Variants in PLEKHG5 observed in about 807,000 individuals in gnomAD.
PLEKHG5 encodes the protein pleckstrin homology and RhoGEF domain containing G5.
In PLEKHG5, 52 loss-of-function variants were observed where a neutral mutation model predicts 103.8. The observed-to-expected ratio is 0.50, with a 90% CI of 0.40 to 0.63. PLEKHG5 has a LOEUF of 0.63. Ranked by LOEUF, PLEKHG5 falls within the 30% of genes least tolerant of loss-of-function variation. The pLI is 0.00. For synonymous variants in PLEKHG5, 592 were observed against 575.5 expected, an observed-to-expected ratio of 1.03 and a Z score of -0.41; for missense variants, 1,205 against 1,347.6, an observed-to-expected ratio of 0.89 and a Z score of 1.66.
At chr1:6,500,277 G>A (rs1359046412), upstream of PLEKHG5, among the ~76,000 whole-genome samples, 3 of 152,094 alleles carry the variant, frequency 2.0e-5, no homozygotes, top group Non-Finnish European at 4.4e-5. Flanking sequence ...CAAGATTGTT[G>A]GGGAGCAGGA....
chr1:6,477,632 C>T lies in PLEKHG5; in HGVS notation c.-61G>A. 1 of 1,608,030 alleles carries T rather than the reference C, an allele frequency of 6.2e-7. No individual in the cohort carries two copies. On this transcript the variant is annotated 5_prime_UTR_variant, in exon 2 of 21. Transcript: ENST00000377728. ...GGTTGAGGGGCCCCCGGCGGTGCAG[C>T]TGCTGGCAGTCGGCGTGGTGACATA...
At chr1:6,509,554 G>T (rs180964098) in intron 1 of PLEKHG5, among the ~76,000 whole-genome samples, 1 of 152,212 alleles carries the variant, frequency 6.6e-6, no homozygotes, top group Non-Finnish European at 1.5e-5. Flanking sequence ...ACGGCCACTC[G>T]GGAGACGTAG....
chr1:6,474,211 A>G (rs1254147106), intron 6 of PLEKHG5, 47 bp from the exon 7 acceptor site: 1 of 1,606,958 alleles, frequency 6.2e-7, no homozygotes, highest in African/African-American at 1.3e-5. Context: ...GGTCTGGTGG[A>G]GGAGGGGGTC....
At position 6,505,981 on chromosome 1, in the gene PLEKHG5, C is replaced by G. The variant is rs1163725912; in HGVS notation, c.-164-9412G>C. 1.3e-5 allele frequency: 2 copies of G among 152,588 alleles called. No homozygotes were observed. Among genetic ancestry groups the G allele is most frequent in the African/African-American group, 4.8e-5 (2 of 41,468 alleles). 9.5% of individuals were successfully genotyped at this position (152,588 alleles called of 1,614,324 possible). A position where few individuals can be genotyped will look rare whatever the true frequency, so the allele number is the denominator to read the frequency against. On this transcript the variant is annotated intron_variant, in intron 1 of 21. Transcript: ENST00000377740. The surrounding 1 kb of genome is among the most constrained non-coding windows in gnomAD (Gnocchi z 4.2). Reference sequence around the variant, plus strand: ...AGGCCCTGGCTGGGCAGGCCCGGTGCCAGAGCCTGCTGAAAGTCCTCCCGG... The same window carrying G: ...AGGCCCTGGCTGGGCAGGCCCGGTGGCAGAGCCTGCTGAAAGTCCTCCCGG...
upstream of PLEKHG5, chr1:6,497,414 G>C: frequency 2.1e-6 from 2 of 973,624 alleles, no homozygotes; most frequent in Non-Finnish European, 2.5e-6. The surrounding 1 kb of genome is among the most constrained non-coding windows in gnomAD (Gnocchi z 6.1). Context: ...GCCGCCGCCG[G>C]ACCCTCGCAC....
chr1:6,492,626 G>A (rs976682971), upstream of PLEKHG5, among the ~76,000 whole-genome samples: 21 of 152,102 alleles, frequency 1.4e-4, no homozygotes, highest in African/African-American at 5.1e-4. Context: ...CGCTGTGCTA[G>A]GCTCTATGCT....
At chr1:6,503,500 C>T (rs982680954) in intron 1 of PLEKHG5, among the ~76,000 whole-genome samples, 7 of 151,232 alleles carry the variant, frequency 4.6e-5, no homozygotes, top group Admixed American at 2.6e-4. Flanking sequence ...CTCTGCCTCC[C>T]GGGTTCAAGT....
At chr1:6,510,728 G>C (rs1359444270) in intron 1 of PLEKHG5, among the ~76,000 whole-genome samples, 1 of 152,222 alleles carries the variant, frequency 6.6e-6, no homozygotes, top group Non-Finnish European at 1.5e-5. Flanking sequence ...AGTGGGCCCA[G>C]TGTCAGCACC....
upstream of PLEKHG5, among the ~76,000 whole-genome samples, chr1:6,498,759 A>C (rs1243639944): frequency 6.6e-6 from 1 of 152,146 alleles, no homozygotes; most frequent in African/African-American, 2.4e-5. Flanking sequence ...CCTCAGGCCC[A>C]GCCCAGCCTC....
Position 6,477,603 on chromosome 1 carries a change from C to A in PLEKHG5, c.-32G>T, listed in dbSNP as rs368872923. 1.4e-5 allele frequency: 22 copies of A among 1,611,386 alleles called. No individual in the cohort carries two copies. The highest frequency in any genetic ancestry group is 1.6e-5 in the Non-Finnish European group (19 of 1,179,974). ...GTGGAACTTGCTGTCACAGGCCTCG[C>A]AGAGGTTGAGGGGCCCCCGGCGGTG... On this transcript the variant is annotated 5_prime_UTR_variant, in exon 2 of 21. Transcript: ENST00000377728.
chr1:6,500,627 C>G (rs931657638), upstream of PLEKHG5, among the ~76,000 whole-genome samples: 1 of 151,064 alleles, frequency 6.6e-6, no homozygotes, highest in Non-Finnish European at 1.5e-5. Flanking sequence ...GAACTACCCC[C>G]TCCGCTAAGC....
chr1:6,519,509 C>A, exon 1 of PLEKHG5: 1 of 1,613,716 alleles, frequency 6.2e-7, no homozygotes, highest in South Asian at 1.1e-5. Flanking sequence ...GGACTGAATT[C>A]ATGCTTGACC....
At chr1:6,475,603 C>G in intron 3 of PLEKHG5, 81 bp from the exon 4 acceptor site, 1 of 1,236,688 alleles carries the variant, frequency 8.1e-7, no homozygotes, top group East Asian at 2.3e-5. Context: ...CTGTGGCCTC[C>G]CCGCCCTTGG....
chr1:6,481,364 T>C (rs2148605669), intron 1 of PLEKHG5, among the ~76,000 whole-genome samples: 1 of 151,358 alleles, frequency 6.6e-6, no homozygotes, highest in South Asian at 2.1e-4. Flanking sequence ...AAACCCTGTC[T>C]CTACTAAAAA....
intron 1 of PLEKHG5, among the ~76,000 whole-genome samples, chr1:6,517,924 C>T (rs1028279864): frequency 8.5e-5 from 13 of 152,052 alleles, no homozygotes; most frequent in African/African-American, 2.4e-4. Flanking sequence ...TGCGTCATGG[C>T]GGATATATAT....
chr1:6,490,461 G>T lies in PLEKHG5; in HGVS notation c.-88+1176C>A. 1 of 977,078 alleles carries T rather than the reference G, an allele frequency of 1.0e-6. No homozygotes were observed. Among genetic ancestry groups the T allele is most frequent in the African/African-American group, 2.0e-5 (1 of 50,200 alleles). 60.5% of individuals were successfully genotyped at this position (977,078 alleles called of 1,614,324 possible). On this transcript the variant is annotated intron_variant, in intron 1 of 20. Coordinates refer to ENST00000377728, the MANE Select transcript of PLEKHG5 (RefSeq NM_020631.6). The surrounding 1 kb of genome is among the most constrained non-coding windows in gnomAD (Gnocchi z 8.0). The stretch of plus-strand genomic sequence containing the variant: ...GCGACTCACCTAGGAACAGGACCAG[G>T]GTCTCCTCCCCGGTGTCTAAGGCTC...
rs1306712556 is a variant in PLEKHG5, at chr1:6,507,099, T to C, written c.-164-10530A>G. Among the ~76,000 whole-genome samples the C allele has an allele frequency of 3.3e-5, 5 of 152,124 alleles. No homozygotes were observed. The East Asian group carries it at 9.6e-4, about 29-fold the overall frequency. ...CACTGGTCAGTTGATTCCAGAGTGT[T>C]GTCCAAACTGCAAAATGTTCAAGCT... On this transcript the variant is annotated intron_variant, in intron 1 of 21. Coordinates refer to the PLEKHG5 transcript ENST00000377740.
chr1:6,491,518 G>T lies in PLEKHG5; in HGVS notation c.-88+119C>A. 3.4e-6 allele frequency: 1 copy of T among 297,202 alleles called. No individual in the cohort carries two copies. The highest frequency in any genetic ancestry group is 5.0e-6 in the Non-Finnish European group (1 of 201,550). The allele number at this position is 297,202 out of a possible 1,614,324, so 18.4% of individuals were successfully genotyped here. On this transcript the variant is annotated intron_variant, in intron 1 of 20. Coordinates refer to ENST00000377728, the MANE Select transcript of PLEKHG5 (RefSeq NM_020631.6). This position sits in a 1 kb window ranked among gnomAD's most constrained non-coding sequence, Gnocchi z 4.1. Reference sequence around the variant, plus strand: ...GATAGCCCCACCACCTCTCTCCGGGGACCAGTCACTTCCAGAGATGGCCCA... The same window carrying T: ...GATAGCCCCACCACCTCTCTCCGGGTACCAGTCACTTCCAGAGATGGCCCA...
At chr1:6,483,227 G>A (rs1417326062) in intron 1 of PLEKHG5, among the ~76,000 whole-genome samples, 7 of 152,196 alleles carry the variant, frequency 4.6e-5, no homozygotes, top group Non-Finnish European at 1.5e-5. Flanking sequence ...GCAGGCCCAC[G>A]TGCTCAGGGA....
Sources: gnomAD v4.1 joint callset for allele counts (sites outside exome capture counted in the v4.1 genomes callset) on GRCh38, gnomAD v4.1.1 for gene constraint, Gnocchi (gnomAD v3.1) non-coding constraint, MANE v1.5 for transcripts, NCBI Gene and HGNC (gene_info 2026-07-23, HGNC 2026-07-21) for gene names.